The following CHODL variants were observed in gnomAD, a reference collection of about 807,000 sequenced individuals.
The protein encoded by CHODL is chondrolectin.
CHODL carries 29 observed loss-of-function variants against 34.5 expected under a neutral mutation model. The ratio of observed to expected loss-of-function variants is 0.84; its 90% CI spans 0.63 to 1.15. The LOEUF (loss-of-function observed/expected upper bound fraction) is 1.15. CHODL is among the 50% of genes most tolerant of loss of function. The pLI, the probability that CHODL is intolerant of heterozygous loss-of-function variation, is 0.00. For missense variants in CHODL, 332 were observed against 332.5 expected (o/e 1.00, Z 0.01); for synonymous variants, 125 against 116.1 (o/e 1.08, Z -0.49).
At chr21:18,230,576 A>T (rs773553441) in intron 2 of CHODL, among the ~76,000 whole-genome samples, 23 of 152,100 alleles carry the variant, frequency 1.5e-4, no homozygotes, top group Non-Finnish European at 2.6e-4. Context: ...TGGTTTCATA[A>T]TTTTTTATGG....
intron 2 of CHODL, among the ~76,000 whole-genome samples, chr21:18,071,329 T>C (rs2064802435): frequency 6.6e-6 from 1 of 151,884 alleles, no homozygotes; most frequent in South Asian, 2.1e-4. Flanking sequence ...GTATTTTTAG[T>C]AGAGATGGGT....
At chr21:18,135,251 C>T (rs141006817) in intron 2 of CHODL, among the ~76,000 whole-genome samples, 8 of 152,238 alleles carry the variant, frequency 5.3e-5, no homozygotes, top group African/African-American at 1.7e-4. Context: ...TGCCCTTTGC[C>T]AATTCTGTTA....
At chr21:18,037,682 A>G (rs927287267) in intron 2 of CHODL, among the ~76,000 whole-genome samples, 1 of 151,830 alleles carries the variant, frequency 6.6e-6, no homozygotes, top group Non-Finnish European at 1.5e-5. Flanking sequence ...AGAGAGAATA[A>G]AGAGAGACCA....
intron 1 of CHODL, among the ~76,000 whole-genome samples, chr21:17,919,982 A>T (rs555527431): frequency 1.3e-5 from 2 of 152,302 alleles, no homozygotes; most frequent in East Asian, 3.9e-4. Context: ...TCCAGTTTCC[A>T]GCAAGTTCCT....
intron 2 of CHODL, among the ~76,000 whole-genome samples, chr21:18,061,721 G>A (rs1417110459): frequency 6.6e-6 from 1 of 152,172 alleles, no homozygotes; most frequent in Non-Finnish European, 1.5e-5. Flanking sequence ...TGGTGGCAAT[G>A]ATGATGATGA....
chr21:18,131,621 T>C (rs542056191), intron 2 of CHODL, among the ~76,000 whole-genome samples: 1 of 152,286 alleles, frequency 6.6e-6, no homozygotes, highest in African/African-American at 2.4e-5. Flanking sequence ...TTAAAACTTA[T>C]TTTGGACACT....
At chr21:18,219,016 G>A (rs2073857922) in intron 2 of CHODL, among the ~76,000 whole-genome samples, 2 of 151,968 alleles carry the variant, frequency 1.3e-5, no homozygotes. Context: ...TTTGTCTTTT[G>A]AGCCCTCTAA....
chr21:18,200,089 A>G (rs545139963), intron 2 of CHODL, among the ~76,000 whole-genome samples: 2 of 152,136 alleles, frequency 1.3e-5, no homozygotes, highest in African/African-American at 4.8e-5. Flanking sequence ...TGATAGTTCT[A>G]TTTGTTCTGC....
intron 2 of CHODL, among the ~76,000 whole-genome samples, chr21:18,093,224 A>C (rs545815616): frequency 6.6e-6 from 1 of 152,336 alleles, no homozygotes; most frequent in Non-Finnish European, 1.5e-5. Context: ...TTACCCTAGA[A>C]TAATGTATTA....
chr21:18,059,194 A>C (rs538119816), intron 2 of CHODL, among the ~76,000 whole-genome samples: 1 of 152,280 alleles, frequency 6.6e-6, no homozygotes, highest in African/African-American at 2.4e-5. Context: ...CTGTACACAC[A>C]CAGAGAAAGG....
intron 2 of CHODL, among the ~76,000 whole-genome samples, chr21:18,209,887 G>T (rs2073754742): frequency 6.6e-6 from 1 of 152,142 alleles, no homozygotes; most frequent in Non-Finnish European, 1.5e-5. Flanking sequence ...CTGTGGCTGA[G>T]ATAGTATCCA....
upstream of CHODL, among the ~76,000 whole-genome samples, chr21:18,240,710 A>G (rs2074073488): frequency 6.6e-6 from 1 of 152,182 alleles, no homozygotes. Flanking sequence ...AACAGATTTC[A>G]TTACTTTAAA....
intron 1 of CHODL, among the ~76,000 whole-genome samples, chr21:17,982,119 A>G (rs1468872445): frequency 6.6e-6 from 1 of 152,256 alleles, no homozygotes; most frequent in Non-Finnish European, 1.5e-5. Flanking sequence ...AAAAATCAGA[A>G]TATCACCTGA....
chr21:17,962,693 A>G (rs982535740), intron 1 of CHODL, among the ~76,000 whole-genome samples: 12 of 152,230 alleles, frequency 7.9e-5, no homozygotes, highest in African/African-American at 2.2e-4. Flanking sequence ...CCTACAATAT[A>G]AAAGGCTTTG....
At chr21:17,963,793 G>A (rs1010626807) in intron 1 of CHODL, among the ~76,000 whole-genome samples, 5 of 151,906 alleles carry the variant, frequency 3.3e-5, no homozygotes, top group Non-Finnish European at 7.4e-5. Flanking sequence ...CTAGCTGAAG[G>A]CATGCCATGA....
At chr21:18,086,795 C>T (rs1043870514) in intron 2 of CHODL, among the ~76,000 whole-genome samples, 2 of 152,164 alleles carry the variant, frequency 1.3e-5, no homozygotes, top group Admixed American at 1.3e-4. Flanking sequence ...CACACTGGCT[C>T]TGGTGTTAGT....
At chr21:18,205,488 TTTC>T (rs2073701931) in intron 2 of CHODL, among the ~76,000 whole-genome samples, 1 of 152,174 alleles carries the variant, frequency 6.6e-6, no homozygotes, top group Admixed American at 6.5e-5. Context: ...TATTATTTCT[TTTC>T]TTCTACTAAG....
chr21:18,108,898 CTAT>C lies in CHODL; in HGVS notation c.-45+80929_-45+80931del, dbSNP rs1319169758. Among the ~76,000 whole-genome samples, 443 of 150,762 alleles carry C rather than the reference CTAT, an allele frequency of 2.9e-3. 2 individuals are homozygous for C. The highest frequency in any genetic ancestry group is 1.0e-2 in the African/African-American group (410 of 41,022). The stretch of plus-strand genomic sequence containing the variant: ...TTCTTCTAACTTTTTCTTTCTCGCA[CTAT>C]TTTGTATCATGTAGTGTGGTGGTGG... On this transcript the variant is annotated intron_variant, in intron 2 of 6. Coordinates refer to the CHODL transcript ENST00000400127.
intron 2 of CHODL, among the ~76,000 whole-genome samples, chr21:18,110,645 G>C (rs570423728): frequency 1.3e-5 from 2 of 152,200 alleles, no homozygotes; most frequent in African/African-American, 2.4e-5. Flanking sequence ...CCACAAAATA[G>C]GTTGTTATTT....
Sources: gnomAD v4.1 joint callset for allele counts (sites outside exome capture counted in the v4.1 genomes callset) on GRCh38, gnomAD v4.1.1 for gene constraint, MANE v1.5 for transcripts, NCBI Gene and HGNC (gene_info 2026-07-23, HGNC 2026-07-21) for gene names.